The following RIMS1 variants were observed in gnomAD, a reference collection of about 807,000 sequenced individuals.
RIMS1 encodes the protein regulating synaptic membrane exocytosis protein 1.
A neutral mutation model predicts 214.1 loss-of-function variants in RIMS1; 83 were observed. That is an observed-to-expected ratio of 0.39 (90% CI 0.32 to 0.47). The LOEUF is 0.47. Among genes scored for constraint, RIMS1 ranks in the 20% least tolerant of loss-of-function variants. RIMS1 has a pLI of 0.99. For synonymous variants in RIMS1, 793 were observed against 786.8 expected (o/e 1.01, Z -0.13); for missense variants, 2,050 against 2,161.8 (o/e 0.95, Z 1.03).
intron 2 of RIMS1, among the ~76,000 whole-genome samples, chr6:72,016,204 G>A (rs1812704148): frequency 6.6e-6 from 1 of 152,076 alleles, no homozygotes; most frequent in African/African-American, 2.4e-5. Flanking sequence ...GATTTAGTTT[G>A]CTGGTAATTT....
intron 28 of RIMS1, among the ~76,000 whole-genome samples, chr6:72,324,538 A>T (rs1760785811): frequency 6.6e-6 from 1 of 151,888 alleles, no homozygotes; most frequent in Admixed American, 6.6e-5. Context: ...ACAAATAAAC[A>T]GAAAGTGGTG....
intron 2 of RIMS1, among the ~76,000 whole-genome samples, chr6:71,996,434 A>G (rs1231282952): frequency 6.6e-6 from 1 of 152,206 alleles, no homozygotes; most frequent in Admixed American, 6.5e-5. Context: ...ATGTTTTTCA[A>G]ATTTATAACT....
At chr6:72,290,620 G>C in intron 24 of RIMS1, 59 bp from the exon 25 acceptor site, 1 of 1,453,764 alleles carries the variant, frequency 6.9e-7, no homozygotes, top group Non-Finnish European at 9.4e-7. Context: ...CAAATGTGTT[G>C]GTATCAAAGT....
intron 1 of RIMS1, among the ~76,000 whole-genome samples, chr6:71,921,828 T>G (rs2150763711): frequency 6.6e-6 from 1 of 152,330 alleles, no homozygotes; most frequent in South Asian, 2.1e-4. Context: ...TTGAGGAAAC[T>G]GGCCACCACA....
chr6:72,242,504 AT>A, intron 10 of RIMS1, 67 bp downstream of exon 10: 1 of 1,139,038 alleles, frequency 8.8e-7, no homozygotes, highest in Non-Finnish European at 1.3e-6. Context: ...TTTAAAAAGA[AT>A]TTTATACATT....
chr6:72,352,823 G>A (rs9446626), intron 29 of RIMS1, among the ~76,000 whole-genome samples: 38,609 of 151,818 alleles, frequency 0.25, 5,112 homozygotes, highest in Middle Eastern at 0.31. Flanking sequence ...CCTAGATGCT[G>A]GGGATGGGAC....
chr6:71,920,322 A>G (rs978153439), intron 1 of RIMS1, among the ~76,000 whole-genome samples: 3 of 152,352 alleles, frequency 2.0e-5, no homozygotes, highest in South Asian at 2.1e-4. Flanking sequence ...AGTTTAGTTA[A>G]TAGTCATATA....
At chr6:72,178,652 G>T (rs997094570) in intron 4 of RIMS1, among the ~76,000 whole-genome samples, 4 of 152,208 alleles carry the variant, frequency 2.6e-5, no homozygotes, top group Non-Finnish European at 4.4e-5. Flanking sequence ...AAGAAACAGA[G>T]GTACTGAGGA....
At position 72,083,630 on chromosome 6, in the gene RIMS1, G is replaced by A. The variant is rs57075812; in HGVS notation, c.246-13319G>A. On this transcript the variant is annotated intron_variant, in intron 2 of 33. Coordinates refer to ENST00000521978, the MANE Select transcript of RIMS1 (RefSeq NM_014989.7). ...TAAGTGTACTCAGAAACTTAAAAGC[G>A]AAGTACTCTGTTTCCCTCATGTATT... Among the ~76,000 whole-genome samples, 1,129 of 152,196 alleles carry A rather than the reference G, an allele frequency of 7.4e-3. 15 individuals are homozygous for A. The highest frequency in any genetic ancestry group is 0.026 in the African/African-American group (1,084 of 41,512).
rs1797599876 is a variant in RIMS1 at position 71,978,078 on chromosome 6, T to C, written c.245+9015T>C. On this transcript the variant is annotated intron_variant, in intron 2 of 33. Coordinates refer to ENST00000521978, the MANE Select transcript of RIMS1 (RefSeq NM_014989.7). ...GCCACATGCCAAAAGTCATGAAGTT[T>C]TGAAAGCAGTGAGGGAGAACAGAGA... 2.0e-5 allele frequency among the ~76,000 whole-genome samples: 3 copies of C among 152,126 alleles called. No homozygotes were observed. The South Asian group carries it at 6.2e-4, about 31-fold the overall frequency.
chr6:71,982,977 G>A (rs1230081999), intron 2 of RIMS1, among the ~76,000 whole-genome samples: 1 of 152,042 alleles, frequency 6.6e-6, no homozygotes, highest in Admixed American at 6.6e-5. Context: ...CATTGAAGAT[G>A]TCCTTCCCTT....
chr6:71,980,516 T>C (rs192262737), intron 2 of RIMS1, among the ~76,000 whole-genome samples: 25 of 152,204 alleles, frequency 1.6e-4, no homozygotes, highest in Admixed American at 1.0e-3. Flanking sequence ...TACAAACCTG[T>C]GAAAGGCAGT....
At chr6:71,893,005 C>T (rs1562133783) in intron 1 of RIMS1, among the ~76,000 whole-genome samples, 1 of 152,148 alleles carries the variant, frequency 6.6e-6, no homozygotes, top group African/African-American at 2.4e-5. Context: ...TAATGGCAGT[C>T]CTTCTAATCT....
In RIMS1 at chr6:72,242,278, A is replaced by G. The variant is rs183634653; in HGVS notation, c.1958-36A>G. 7.5e-5 allele frequency: 109 copies of G among 1,454,492 alleles called. No individual in the cohort carries two copies. In the African/African-American group the frequency reaches 1.3e-3, roughly 17 times the overall value. 90.1% of individuals were successfully genotyped at this position (1,454,492 alleles called of 1,614,324 possible). On this transcript the variant is annotated intron_variant, in intron 9 of 33. Transcript: ENST00000521978. ...AAGATACGAAAAATAAACAGAATATATAAGGTAAAAAAATACCCTTTTTTT... is the reference window on the plus strand; with the variant it reads ...AAGATACGAAAAATAAACAGAATATGTAAGGTAAAAAAATACCCTTTTTTT...
intron 29 of RIMS1, among the ~76,000 whole-genome samples, chr6:72,339,882 C>G (rs540974589): frequency 1.9e-4 from 29 of 151,986 alleles, no homozygotes; most frequent in Admixed American, 1.4e-3. Context: ...AATGGTTGAA[C>G]TAGTTTACAG....
chr6:72,216,998 C>T (rs1373399796), intron 6 of RIMS1: 1 of 1,403,798 alleles, frequency 7.1e-7, no homozygotes, highest in African/African-American at 1.5e-5. Flanking sequence ...TTTAGTGTCA[C>T]TGTTGTATAA....
intron 6 of RIMS1, among the ~76,000 whole-genome samples, chr6:72,187,781 C>A (rs773196720): frequency 1.7e-4 from 26 of 152,158 alleles, no homozygotes; most frequent in Middle Eastern, 3.4e-3. Context: ...TGGGAGCCAT[C>A]GCGCCCAGCC....
chr6:72,125,541 G>A (rs1470708657), intron 4 of RIMS1, among the ~76,000 whole-genome samples: 1 of 152,210 alleles, frequency 6.6e-6, no homozygotes, highest in African/African-American at 2.4e-5. Flanking sequence ...GGACGTTTAA[G>A]TCTGCAGAAG....
At chr6:72,319,462 G>A (rs1000487735) in intron 28 of RIMS1, among the ~76,000 whole-genome samples, 6 of 152,164 alleles carry the variant, frequency 3.9e-5, no homozygotes, top group Non-Finnish European at 8.8e-5. Context: ...GAAGTTAAGG[G>A]AATGGTTAGT....
Sources: allele counts gnomAD v4.1 joint callset (sites outside exome capture counted in the v4.1 genomes callset), GRCh38; gene constraint gnomAD v4.1.1; transcripts MANE v1.5; gene names NCBI Gene and HGNC (gene_info 2026-07-23, HGNC 2026-07-21).